JARID2: variants seen among roughly 807,000 people sequenced by gnomAD.
JARID2 encodes protein Jumonji.
A neutral mutation model predicts 125.6 loss-of-function variants in JARID2; 21 were observed. That is an observed-to-expected ratio of 0.17 (90% confidence interval 0.12 to 0.24). JARID2 has a LOEUF of 0.24. JARID2 is among the 10% of genes least tolerant of loss of function. The pLI is 1.00. For missense variants in JARID2, 1,303 were observed against 1,639.6 expected (o/e 0.79, Z 3.55); for synonymous variants, 736 against 661.6 (o/e 1.11, Z -1.73).
At chr6:15,360,625 A>G (rs1763760360) in intron 1 of JARID2, among the ~76,000 whole-genome samples, 1 of 152,184 alleles carries the variant, frequency 6.6e-6, no homozygotes, top group South Asian at 2.1e-4. Context: ...CTTGGACCAC[A>G]GGAGTGTGCC....
In JARID2 at chr6:15,487,400, A is replaced by T. The variant is rs764227614; in HGVS notation, c.764A>T (p.Asp255Val). Residue 255 changes from aspartate to valine, a missense_variant, in exon 6 of 18, where the codon GAT (aspartate) becomes GTT (valine). Transcript: ENST00000341776. ...ACTCCCGCAAAGGAGAAGCACAGCGATCACCGGGCTGACAGCCGCCGGGAG... is the reference window on the plus strand; with the variant it reads ...ACTCCCGCAAAGGAGAAGCACAGCGTTCACCGGGCTGACAGCCGCCGGGAG... ...EATPAKEKHSDHRADSRREQA... is the reference protein window; with the variant it reads ...EATPAKEKHSVHRADSRREQA... The T allele has an allele frequency of 1.9e-6, 3 of 1,614,252 alleles. No individual in the cohort carries two copies. The South Asian group carries it at 3.3e-5, about 18-fold the overall frequency.
chr6:15,481,612 C>T (rs1769619664), intron 5 of JARID2, among the ~76,000 whole-genome samples: 2 of 152,070 alleles, frequency 1.3e-5, no homozygotes, highest in South Asian at 2.1e-4. Context: ...TTGGCTCTGT[C>T]GGTGTTGCCC....
rs114147131 is a variant in JARID2, at chr6:15,299,509, G to A, written c.45+52925G>A. ...AGAAATAGATGCCATCCCTTTTTCT[G>A]TAGGAAGGAATTTATAGTTTGGAGA... On this transcript the variant is annotated intron_variant, in intron 1 of 17. Coordinates refer to ENST00000341776, the MANE Select transcript of JARID2 (RefSeq NM_004973.4). Among the ~76,000 whole-genome samples, 598 of 152,298 alleles carry A rather than the reference G, an allele frequency of 3.9e-3. 2 individuals carry two copies. The highest frequency in any genetic ancestry group is 0.024 in the Middle Eastern group (7 of 294).
At chr6:15,317,421 T>G (rs1324012346) in intron 1 of JARID2, among the ~76,000 whole-genome samples, 1 of 152,206 alleles carries the variant, frequency 6.6e-6, no homozygotes, top group African/African-American at 2.4e-5. Context: ...AAATACAGTT[T>G]TGTTTGAAAT....
intron 3 of JARID2, among the ~76,000 whole-genome samples, chr6:15,426,206 C>T (rs1766719334): frequency 6.6e-6 from 1 of 152,138 alleles, no homozygotes; most frequent in South Asian, 2.1e-4. Flanking sequence ...CTTAATAATC[C>T]TCGAGTGGGG....
At chr6:15,401,087 G>A in intron 2 of JARID2, 2 of 1,288,712 alleles carry the variant, frequency 1.6e-6, no homozygotes, top group Non-Finnish European at 2.0e-6. Flanking sequence ...GGCTTTTGTT[G>A]GAGAAATAGG....
rs1760672948 is a variant in JARID2, at chr6:15,279,560, T to C, written c.45+32976T>C. Reference sequence around the variant, plus strand: ...TTGCTAATTTATAAAAGCCTTTACTTCCATAAGTACTTGCCTGATTAACAC... The same window carrying C: ...TTGCTAATTTATAAAAGCCTTTACTCCCATAAGTACTTGCCTGATTAACAC... On this transcript the variant is annotated intron_variant, in intron 1 of 17. Coordinates refer to ENST00000341776, the MANE Select transcript of JARID2 (RefSeq NM_004973.4). 3.9e-5 allele frequency among the ~76,000 whole-genome samples: 6 copies of C among 152,236 alleles called. No homozygotes were observed. In the South Asian group the frequency reaches 1.2e-3, roughly 31 times the overall value.
chr6:15,413,004 TTTTGTTTTTTTTTTTTTTG>T (rs747938397), intron 3 of JARID2, among the ~76,000 whole-genome samples: 3,500 of 68,294 alleles, frequency 0.051, 183 homozygotes, highest in Non-Finnish European at 0.073. Flanking sequence ...GAGCTTGTGT[TTTTGTTTTTTTTTTTTTTG>T]TTTTTTTTTT....
rs199726755 is a variant in JARID2, at chr6:15,496,694, C to G, written c.1469C>G (p.Pro490Arg). Residue 490 changes from proline to arginine, a missense_variant, in exon 7 of 18, where the codon CCG (proline) becomes CGG (arginine). Pro to Arg is a moderately radical substitution (Grantham distance 103, BLOSUM62 -2). This residue lies in a region of JARID2 where 651 missense variants were observed against 581.6 expected (regional missense o/e 1.12). Transcript: ENST00000341776. ...LLNGHVKKEV[P>R]ERSLERNRPK... ...AACGGACACGTGAAGAAGGAAGTGC[C>G]GGAGCGCAGTCTGGAGAGGAATCGG... 1.2e-6 allele frequency: 2 copies of G among 1,613,320 alleles called. No homozygotes were observed. The highest frequency in any genetic ancestry group is 1.3e-5 in the African/African-American group (1 of 75,066).
intron 2 of JARID2, among the ~76,000 whole-genome samples, chr6:15,377,310 G>A (rs149910169): frequency 7.2e-5 from 11 of 152,200 alleles, no homozygotes; most frequent in African/African-American, 1.2e-4. Context: ...ATGAGATTTC[G>A]TGAGACTTAC....
intron 4 of JARID2, among the ~76,000 whole-genome samples, chr6:15,468,053 T>C (rs1768826096): frequency 6.6e-6 from 1 of 152,142 alleles, no homozygotes; most frequent in Admixed American, 6.5e-5. Flanking sequence ...CTTCCAAAAC[T>C]ATTGGAATTT....
At chr6:15,478,012 G>A (rs1251461311) in intron 5 of JARID2, among the ~76,000 whole-genome samples, 1 of 152,186 alleles carries the variant, frequency 6.6e-6, no homozygotes, top group Non-Finnish European at 1.5e-5. Context: ...TAATTCCTGT[G>A]TCAGGATTAT....
At chr6:15,343,087 G>A (rs187031903) in intron 1 of JARID2, among the ~76,000 whole-genome samples, 9 of 152,126 alleles carry the variant, frequency 5.9e-5, no homozygotes, top group African/African-American at 9.6e-5. Flanking sequence ...AAAATTAGCC[G>A]GGTGTGGTGT....
intron 3 of JARID2, among the ~76,000 whole-genome samples, chr6:15,439,445 A>C (rs1366374796): frequency 6.6e-6 from 1 of 152,188 alleles, no homozygotes; most frequent in Admixed American, 6.5e-5. Context: ...AAATGAACAG[A>C]TAGTGAGGCT....
chr6:15,381,686 G>A (rs144977809), intron 2 of JARID2, among the ~76,000 whole-genome samples: 2,368 of 152,314 alleles, frequency 0.016, 27 homozygotes, highest in Non-Finnish European at 0.023. Flanking sequence ...TGATGTAGGT[G>A]GGGCATTTCT....
intron 16 of JARID2, among the ~76,000 whole-genome samples, chr6:15,516,370 G>T (rs765662112): frequency 6.6e-6 from 1 of 152,198 alleles, no homozygotes; most frequent in African/African-American, 2.4e-5. Flanking sequence ...GGAGCCCTCC[G>T]GCAGAAGCCA....
At chr6:15,287,413 G>C (rs988447155) in intron 1 of JARID2, among the ~76,000 whole-genome samples, 4 of 151,940 alleles carry the variant, frequency 2.6e-5, no homozygotes, top group African/African-American at 4.8e-5. Flanking sequence ...CCTCATAGTG[G>C]GTCTAATTAT....
At chr6:15,381,982 A>C (rs995245770) in intron 2 of JARID2, among the ~76,000 whole-genome samples, 1 of 152,226 alleles carries the variant, frequency 6.6e-6, no homozygotes, top group East Asian at 1.9e-4. Flanking sequence ...TGTAGGATAA[A>C]TGCTTTAACA....
chr6:15,480,666 G>A (rs974005932), intron 5 of JARID2, among the ~76,000 whole-genome samples: 3 of 152,122 alleles, frequency 2.0e-5, no homozygotes, highest in Non-Finnish European at 2.9e-5. Flanking sequence ...TTATATTTGC[G>A]CAACTCCTTT....
Sources: allele counts gnomAD v4.1 joint callset (sites outside exome capture counted in the v4.1 genomes callset), GRCh38; gene constraint gnomAD v4.1.1; regional missense constraint gnomAD v4.1.1; transcripts MANE v1.5; gene names NCBI Gene and HGNC (gene_info 2026-07-23, HGNC 2026-07-21).